Variants in SIRT5 observed in about 807,000 individuals in gnomAD.
SIRT5 encodes NAD-dependent protein deacylase sirtuin-5, mitochondrial.
SIRT5 carries 26 observed loss-of-function variants against 40.0 expected under a neutral mutation model. The ratio of observed to expected loss-of-function variants is 0.65; its 90% confidence interval spans 0.48 to 0.90. The LOEUF is 0.90. SIRT5 is among the 40% of genes least tolerant of loss of function. SIRT5 has a pLI of 0.00. For missense variants in SIRT5, 401 were observed against 402.4 expected (o/e 1.00, Z 0.03); for synonymous variants, 146 against 149.1 (o/e 0.98, Z 0.15).
intron 5 of SIRT5, among the ~76,000 whole-genome samples, chr6:13,593,463 G>T (rs1162910655): frequency 6.6e-6 from 1 of 152,130 alleles, no homozygotes; most frequent in Admixed American, 6.5e-5. Context: ...TGATTTCCCT[G>T]CAGTGTCAGA....
At chr6:13,575,298 C>T (rs1300660586) in intron 1 of SIRT5, among the ~76,000 whole-genome samples, 1 of 151,876 alleles carries the variant, frequency 6.6e-6, no homozygotes, top group African/African-American at 2.4e-5. Context: ...CCCGGAAGCC[C>T]GGGAAAGTGA....
At chr6:13,604,659 C>T in intron 9 of SIRT5, 2 of 1,416,436 alleles carry the variant, frequency 1.4e-6, no homozygotes, top group Non-Finnish European at 1.8e-6. Context: ...CCCAGCATCC[C>T]TTGGATATGG....
intron 9 of SIRT5, among the ~76,000 whole-genome samples, chr6:13,603,776 A>G (rs919163645): frequency 6.6e-6 from 1 of 152,264 alleles, no homozygotes; most frequent in African/African-American, 2.4e-5. Context: ...TTGTTAATGG[A>G]AAAAGTAGAA....
In SIRT5 at chr6:13,604,580, T is replaced by G. The variant is rs1432026364; in HGVS notation, c.857+3631T>G. On this transcript the variant is annotated intron_variant, in intron 9 of 9. Coordinates refer to ENST00000606117, the MANE Select transcript of SIRT5 (RefSeq NM_012241.5). ...ATAGAGAAAAAGAAGAAAATAAAACTGGAGTATTTCCACAACCCAAGTTTA... is the reference window on the plus strand; with the variant it reads ...ATAGAGAAAAAGAAGAAAATAAAACGGGAGTATTTCCACAACCCAAGTTTA... The G allele has an allele frequency of 2.5e-6, 4 of 1,570,712 alleles. No homozygotes were observed. In the African/African-American group the frequency reaches 5.5e-5, roughly 22 times the overall value.
intron 9 of SIRT5, among the ~76,000 whole-genome samples, chr6:13,609,883 C>A (rs1177741977): frequency 6.6e-6 from 1 of 152,156 alleles, no homozygotes; most frequent in Non-Finnish European, 1.5e-5. Context: ...TTTACTTTTT[C>A]AATGTCAATT....
chr6:13,613,807 A>G lies in SIRT5; in HGVS notation c.*1942A>G, dbSNP rs907180116. On this transcript the variant is annotated 3_prime_UTR_variant, in exon 10 of 10. Coordinates refer to ENST00000606117, the MANE Select transcript of SIRT5 (RefSeq NM_012241.5). ...GCACATAAAATACCATCATGCACTT[A>G]TAAGTTTGTTCTTGGGCTGCTCCAA... is the stretch of plus-strand genomic sequence containing the variant. 3.3e-5 allele frequency: 5 copies of G among 152,228 alleles called. No homozygotes were observed. Among genetic ancestry groups the G allele is most frequent in the Admixed American group, 3.3e-4 (5 of 15,284 alleles). 9.4% of individuals were successfully genotyped at this position (152,228 alleles called of 1,614,324 possible). A position where few individuals can be genotyped will look rare whatever the true frequency, so the allele number is the denominator to read the frequency against.
rs2127623886 is a variant in SIRT5 at position 13,584,195 on chromosome 6, A to T, written c.85A>T (p.Ile29Phe). The change falls in exon 3 of 10, where the codon ATT becomes TTT. Residue 29 changes from isoleucine to phenylalanine, a missense_variant. Coordinates refer to ENST00000606117, the MANE Select transcript of SIRT5 (RefSeq NM_012241.5). ...GCCTCCAGCGTCCACACGAAACCAG[A>T]TTTGCCTGAAAATGGCTCGGCCAAG... is the stretch of plus-strand genomic sequence containing the variant. ...LKPPASTRNQ[I>F]CLKMARPSSS... is the part of the protein sequence containing the mutation. 2 of 1,614,126 alleles carry T rather than the reference A, an allele frequency of 1.2e-6. No individual in the cohort carries two copies. Among genetic ancestry groups the T allele is most frequent in the Admixed American group, 3.3e-5 (2 of 60,004 alleles).
intron 5 of SIRT5, among the ~76,000 whole-genome samples, chr6:13,594,126 G>A (rs1272613711): frequency 2.6e-5 from 4 of 152,140 alleles, no homozygotes; most frequent in Non-Finnish European, 5.9e-5. Context: ...GCCCTTGAAG[G>A]GTTTGTTGGC....
At chr6:13,586,626 C>G (rs1488493303) in intron 3 of SIRT5, among the ~76,000 whole-genome samples, 4 of 152,078 alleles carry the variant, frequency 2.6e-5, no homozygotes, top group Admixed American at 1.3e-4. Context: ...CTTGTGCTGC[C>G]AAAACATGAA....
At chr6:13,589,946 A>G (rs1760614538) in intron 4 of SIRT5, among the ~76,000 whole-genome samples, 1 of 152,174 alleles carries the variant, frequency 6.6e-6, no homozygotes, top group Non-Finnish European at 1.5e-5. Context: ...TGTGCCACCT[A>G]TAAACTACTC....
chr6:13,603,950 C>T (rs1381101194), intron 9 of SIRT5, among the ~76,000 whole-genome samples: 1 of 152,256 alleles, frequency 6.6e-6, no homozygotes, highest in East Asian at 1.9e-4. Context: ...TCATAAAAGA[C>T]CATATATGGT....
chr6:13,604,706 G>C (rs199937127), intron 9 of SIRT5: 2 of 1,371,708 alleles, frequency 1.5e-6, no homozygotes, highest in Non-Finnish European at 1.9e-6. Context: ...TGAACTTGGT[G>C]GTTTTTCCTG....
chr6:13,579,699 G>A (rs1250906404), intron 2 of SIRT5, 90 bp downstream of exon 2: 1 of 152,172 alleles, frequency 6.6e-6, no homozygotes, highest in Non-Finnish European at 1.5e-5. Flanking sequence ...TCAGAGTTTT[G>A]ATCTTCACAA....
intron 3 of SIRT5, 29 bp downstream of exon 3, chr6:13,584,254 G>A (rs1008344642): frequency 6.7e-7 from 1 of 1,495,154 alleles, no homozygotes; most frequent in African/African-American, 1.4e-5. Flanking sequence ...TGCCTCACCT[G>A]CAGCCAAATG....
At position 13,591,670 on chromosome 6, in the gene SIRT5, A is replaced by G. The variant is rs151080671; in HGVS notation, c.251A>G (p.Asp84Gly). ...TCCTGCCTCCTCTCCCACTCCCAGG[A>G]CCTGGCGACTCCCCTGGCCTTTGCC... ...GGYWRKWQAQ[D>G]LATPLAFAHN... The change falls in exon 5 of 10, where the codon GAC (aspartate) becomes GGC (glycine). Residue 84 changes from aspartate to glycine, a missense_variant and splice_region_variant. Asp to Gly is a moderately conservative substitution (Grantham distance 94, BLOSUM62 -1). Coordinates refer to ENST00000606117, the MANE Select transcript of SIRT5 (RefSeq NM_012241.5). 114 of 1,556,086 alleles carry G rather than the reference A, an allele frequency of 7.3e-5. No individual in the cohort carries two copies. Among genetic ancestry groups the G allele is most frequent in the Non-Finnish European group, 9.4e-5 (108 of 1,144,468 alleles).
intron 3 of SIRT5, among the ~76,000 whole-genome samples, chr6:13,585,321 C>T (rs1392599624): frequency 6.6e-6 from 1 of 151,964 alleles, no homozygotes; most frequent in African/African-American, 2.4e-5. Flanking sequence ...TATACATGTG[C>T]CATGTTGGTT....
intron 4 of SIRT5, chr6:13,589,627 C>T (rs890101719): frequency 4.6e-5 from 7 of 152,430 alleles, no homozygotes; most frequent in Admixed American, 3.9e-4. Flanking sequence ...ACATCTGAGC[C>T]TGGCAGATGT....
chr6:13,580,970 CTTG>C (rs1759273341), intron 2 of SIRT5, among the ~76,000 whole-genome samples: 1 of 151,972 alleles, frequency 6.6e-6, no homozygotes, highest in African/African-American at 2.4e-5. Flanking sequence ...CCTTTTTTTT[CTTG>C]TTGTGAAGCA....
intron 1 of SIRT5, among the ~76,000 whole-genome samples, chr6:13,575,765 T>A (rs1004735093): frequency 2.0e-5 from 3 of 152,172 alleles, no homozygotes. Flanking sequence ...TCCTCTTACC[T>A]AACTAAAACT....
Sources: gnomAD v4.1 joint callset for allele counts (sites outside exome capture counted in the v4.1 genomes callset) on GRCh38, gnomAD v4.1.1 for gene constraint, MANE v1.5 for transcripts, NCBI Gene and HGNC (gene_info 2026-07-23, HGNC 2026-07-21) for gene names.